LRRC1: variants seen among roughly 807,000 people sequenced by gnomAD.
LRRC1 encodes leucine rich repeat containing 1.
In LRRC1, 28 loss-of-function variants were observed where a neutral mutation model predicts 69.9. The ratio of observed to expected loss-of-function variants is 0.40; its 90% CI spans 0.30 to 0.55. The LOEUF (loss-of-function observed/expected upper bound fraction) is 0.55, where lower values mean the gene tolerates loss of function less well. Among genes scored for constraint, LRRC1 ranks in the 20% least tolerant of loss-of-function variants. The pLI is 0.47. For synonymous variants in LRRC1, 236 were observed against 240.2 expected (o/e 0.98, Z 0.16); for missense variants, 498 against 609.0 (o/e 0.82, Z 1.92).
chr6:53,880,221 T>C (rs1442040398), intron 3 of LRRC1, among the ~76,000 whole-genome samples: 1 of 152,186 alleles, frequency 6.6e-6, no homozygotes, highest in Non-Finnish European at 1.5e-5. Context: ...TATTTCTGCT[T>C]GTCCTTCTTT....
intron 10 of LRRC1, among the ~76,000 whole-genome samples, chr6:53,912,521 C>G (rs1398187759): frequency 6.6e-6 from 1 of 152,160 alleles, no homozygotes. Flanking sequence ...GTGCTTTCCA[C>G]ATGACCAGAG....
At chr6:53,862,831 T>A (rs1766575210) in intron 2 of LRRC1, among the ~76,000 whole-genome samples, 1 of 152,156 alleles carries the variant, frequency 6.6e-6, no homozygotes, top group African/African-American at 2.4e-5. Flanking sequence ...ATTTAACATT[T>A]TTTTCCCCCT....
At chr6:53,859,823 A>G (rs1434099073) in intron 2 of LRRC1, among the ~76,000 whole-genome samples, 1 of 152,208 alleles carries the variant, frequency 6.6e-6, no homozygotes, top group Non-Finnish European at 1.5e-5. Context: ...TAGACTTGGA[A>G]ACACAATGGG....
Position 53,842,026 on chromosome 6 carries a change from G to T in LRRC1, c.160-84G>T, listed in dbSNP as rs557096938. 3.7e-6 allele frequency: 3 copies of T among 800,418 alleles called. No individual in the cohort carries two copies. The East Asian group carries it at 7.6e-5, about 20-fold the overall frequency. The allele number at this position is 800,418 out of a possible 1,614,324, so 49.6% of individuals were successfully genotyped here. ...CTACAACCTTCATTAGTTTTTAAAA[G>T]ACATTGTTTTACATTTCATAGTAGC... On this transcript the variant is annotated intron_variant, in intron 1 of 13. Coordinates refer to ENST00000370888, the MANE Select transcript of LRRC1 (RefSeq NM_018214.5).
chr6:53,840,090 G>A (rs1359475492), intron 1 of LRRC1, among the ~76,000 whole-genome samples: 3 of 152,068 alleles, frequency 2.0e-5, no homozygotes, highest in Non-Finnish European at 4.4e-5. Context: ...TCTCTGTTTT[G>A]TTGATTCTCT....
intron 2 of LRRC1, among the ~76,000 whole-genome samples, chr6:53,866,849 G>A (rs910558915): frequency 6.6e-6 from 1 of 152,090 alleles, no homozygotes; most frequent in African/African-American, 2.4e-5. Flanking sequence ...AGTTTGGCCA[G>A]TTTAATCTGA....
At chr6:53,810,515 G>T (rs1764761744) in intron 1 of LRRC1, among the ~76,000 whole-genome samples, 1 of 152,088 alleles carries the variant, frequency 6.6e-6, no homozygotes, top group African/African-American at 2.4e-5. Flanking sequence ...AGCTACTTGG[G>T]AGGCTGAGGC....
At chr6:53,851,630 T>G (rs1053186197) in intron 2 of LRRC1, among the ~76,000 whole-genome samples, 2 of 152,156 alleles carry the variant, frequency 1.3e-5, no homozygotes, top group African/African-American at 4.8e-5. Flanking sequence ...AAATACTGTT[T>G]AAATTTGGCA....
intron 2 of LRRC1, among the ~76,000 whole-genome samples, chr6:53,868,412 A>T (rs12202128): frequency 0.12 from 18,023 of 151,916 alleles, 1,329 homozygotes; most frequent in Non-Finnish European, 0.17. Context: ...TTTAGTAGAG[A>T]TGGGGTTTCC....
At chr6:53,810,642 G>A (rs1276920223) in intron 1 of LRRC1, among the ~76,000 whole-genome samples, 1 of 151,916 alleles carries the variant, frequency 6.6e-6, no homozygotes, top group Admixed American at 6.6e-5. Context: ...GCTTTTACAC[G>A]TAGACATTTT....
In LRRC1 at chr6:53,834,075, C is replaced by T. The variant is rs1414172698; in HGVS notation, c.160-8035C>T. Among the ~76,000 whole-genome samples the T allele has an allele frequency of 3.9e-5, 6 of 152,202 alleles. No individual in the cohort carries two copies. In the South Asian group the frequency reaches 1.2e-3, roughly 32 times the overall value. ...CCCCTATTGCCTTCAGAAACTAGAC[C>T]TAGCTGAGCCTTTTTTCTTTGTATG... On this transcript the variant is annotated intron_variant, in intron 1 of 13. Coordinates refer to ENST00000370888, the MANE Select transcript of LRRC1 (RefSeq NM_018214.5).
intron 2 of LRRC1, among the ~76,000 whole-genome samples, chr6:53,876,746 A>G (rs559577804): frequency 2.0e-4 from 30 of 152,286 alleles, no homozygotes; most frequent in African/African-American, 7.0e-4. Flanking sequence ...CTGATGTAAG[A>G]GGTATGTTCC....
chr6:53,795,099 A>T lies in LRRC1; in HGVS notation c.-158A>T, dbSNP rs1333931590. 7.8e-6 allele frequency: 5 copies of T among 641,684 alleles called. No individual in the cohort carries two copies. In the African/African-American group the frequency reaches 9.6e-5, roughly 12 times the overall value. The allele number at this position is 641,684 out of a possible 1,614,324, so 39.7% of individuals were successfully genotyped here. On this transcript the variant is annotated 5_prime_UTR_variant, in exon 1 of 14. Coordinates refer to ENST00000370888, the MANE Select transcript of LRRC1 (RefSeq NM_018214.5). ...GCTCCCGCTCCAGGTTCCTTGAAGC[A>T]CTTCCGACCGCGAAGCCCGGCGCGA...
chr6:53,844,478 G>C (rs191217404), intron 2 of LRRC1, among the ~76,000 whole-genome samples: 1 of 152,166 alleles, frequency 6.6e-6, no homozygotes, highest in Non-Finnish European at 1.5e-5. Context: ...AGTTTTACCA[G>C]TTCCCACATC....
At chr6:53,800,780 CAGGCGTGTGCCA>C (rs1165811927) in intron 1 of LRRC1, among the ~76,000 whole-genome samples, 1 of 151,848 alleles carries the variant, frequency 6.6e-6, no homozygotes, top group Non-Finnish European at 1.5e-5. Flanking sequence ...GCTGGGATTA[CAGGCGTGTGCCA>C]CCACGCCCGG....
chr6:53,920,501 C>G (rs996893809), intron 12 of LRRC1, 124 bp from the exon 13 acceptor site: 1 of 948,984 alleles, frequency 1.1e-6, no homozygotes, highest in Non-Finnish European at 1.6e-6. Context: ...AGAACACCCC[C>G]CTTATTTCTG....
chr6:53,886,836 T>G (rs1194920592), intron 4 of LRRC1, among the ~76,000 whole-genome samples: 1 of 152,226 alleles, frequency 6.6e-6, no homozygotes, highest in Non-Finnish European at 1.5e-5. Flanking sequence ...ACTTTAGTCC[T>G]TTGTCTTTAC....
intron 12 of LRRC1, 76 bp from the exon 13 acceptor site, chr6:53,920,549 G>C (rs533709646): frequency 1.3e-6 from 2 of 1,563,608 alleles, no homozygotes; most frequent in African/African-American, 1.4e-5. Flanking sequence ...ATTCTACCTT[G>C]TCAGCCGCAA....
intron 10 of LRRC1, among the ~76,000 whole-genome samples, chr6:53,909,527 G>C (rs1289674609): frequency 6.6e-6 from 1 of 151,412 alleles, no homozygotes; most frequent in Non-Finnish European, 1.5e-5. Flanking sequence ...GGTAAGATTT[G>C]ATTTTTTTTC....
Sources: allele counts gnomAD v4.1 joint callset (sites outside exome capture counted in the v4.1 genomes callset), GRCh38; gene constraint gnomAD v4.1.1; transcripts MANE v1.5; gene names NCBI Gene and HGNC (gene_info 2026-07-23, HGNC 2026-07-21).